PHKA2: variants seen among roughly 807,000 people sequenced by gnomAD.
PHKA2 encodes phosphorylase kinase regulatory subunit alpha 2, also known as phosphorylase b kinase regulatory subunit alpha, liver isoform.
A neutral mutation model predicts 102.0 loss-of-function variants in PHKA2; 31 were observed. The ratio of observed to expected loss-of-function variants is 0.30; its 90% confidence interval spans 0.23 to 0.41. The LOEUF (loss-of-function observed/expected upper bound fraction) is 0.41, where lower values mean the gene tolerates loss of function less well. Ranked by LOEUF, PHKA2 falls within the 10% of genes least tolerant of loss-of-function variation. The probability of loss-of-function intolerance (pLI) is 1.00; values close to 1 mark genes in which losing one functional copy is unlikely to be tolerated. For missense variants in PHKA2, 858 were observed against 1,023.1 expected (o/e 0.84, Z 2.20); for synonymous variants, 455 against 416.2 (o/e 1.09, Z -1.13).
intron 5 of PHKA2, among the ~76,000 whole-genome samples, chrX:18,945,361 G>A (rs1350638577): frequency 9.0e-6 from 1 of 110,970 alleles, no homozygotes; most frequent in East Asian, 2.8e-4. Context: ...TATTCAAGTG[G>A]GACAAAAGTG....
intron 2 of PHKA2, among the ~76,000 whole-genome samples, chrX:18,953,480 A>G (rs755957820): frequency 3.6e-5 from 4 of 112,503 alleles, no homozygotes; most frequent in African/African-American, 1.3e-4. Flanking sequence ...AGTTTCAAAA[A>G]TATTTTAAGC....
At chrX:18,921,892 G>A (rs1379835442) in intron 17 of PHKA2, among the ~76,000 whole-genome samples, 1 of 112,521 alleles carries the variant, frequency 8.9e-6, no homozygotes, top group South Asian at 3.6e-4. Flanking sequence ...TTGAATACAC[G>A]GCCAGTGCTC....
chrX:18,916,684 T>C (rs1014377939), intron 19 of PHKA2, among the ~76,000 whole-genome samples: 1 of 111,210 alleles, frequency 9.0e-6, no homozygotes, highest in Admixed American at 9.6e-5. Flanking sequence ...ACTGTCGCCA[T>C]GTGAAGTGTC....
At chrX:18,954,562 C>A in intron 1 of PHKA2, 150 bp from the exon 2 acceptor site, 1 of 506,210 alleles carries the variant, frequency 2.0e-6, no homozygotes, top group Non-Finnish European at 3.4e-6. Flanking sequence ...ACAGTGTGAT[C>A]TTGGGTGAGA....
intron 14 of PHKA2, among the ~76,000 whole-genome samples, 197 bp from the exon 15 acceptor site, chrX:18,925,974 G>C (rs1168068932): frequency 9.0e-6 from 1 of 111,614 alleles, no homozygotes; most frequent in African/African-American, 3.3e-5. Flanking sequence ...TTTCATGAAT[G>C]TATATGAACA....
chrX:18,952,329 CAAAA>C (rs1198542984), intron 3 of PHKA2, among the ~76,000 whole-genome samples, 161 bp downstream of exon 3: 2 of 35,336 alleles, frequency 5.7e-5, no homozygotes, highest in Non-Finnish European at 1.2e-4. Context: ...GACCCTGTCT[CAAAA>C]AAAAAAAAAA....
Position 18,969,757 on chromosome X carries a change from T to C in PHKA2, c.78+14098A>G, listed in dbSNP as rs1015854109. Among the ~76,000 whole-genome samples, 6 of 111,995 alleles carry C rather than the reference T, an allele frequency of 5.4e-5. No homozygotes were observed. The East Asian group carries it at 1.7e-3, about 31-fold the overall frequency. On this transcript the variant is annotated intron_variant, in intron 1 of 32. Coordinates refer to ENST00000379942, the MANE Select transcript of PHKA2 (RefSeq NM_000292.3). ...GATCTGGGGATCACCCTCTGTGAAC[T>C]GTCACACTACTCCAAAGCCGGAGTG...
At chrX:18,936,617 C>T (rs762305413) in intron 10 of PHKA2, among the ~76,000 whole-genome samples, 4 of 112,284 alleles carry the variant, frequency 3.6e-5, no homozygotes, top group East Asian at 2.8e-4. Context: ...GTACCCATTT[C>T]CACCTCTTGG....
At chrX:18,894,641 C>T (rs780913476) in intron 31 of PHKA2, 30 of 441,466 alleles carry the variant, frequency 6.8e-5, no homozygotes, top group South Asian at 2.6e-4. Context: ...TTCCCCCCAT[C>T]GACTACAGCT....
At chrX:18,977,523 G>A (rs1461579685) in intron 1 of PHKA2, among the ~76,000 whole-genome samples, 2 of 111,412 alleles carry the variant, frequency 1.8e-5, no homozygotes, top group Non-Finnish European at 3.8e-5. Context: ...TTATGGATTT[G>A]TCAACTTCTC....
chrX:18,955,896 T>C (rs1406789917), intron 1 of PHKA2, among the ~76,000 whole-genome samples: 1 of 112,532 alleles, frequency 8.9e-6, no homozygotes, highest in Admixed American at 9.4e-5. Flanking sequence ...ATTCTATATA[T>C]TGACATGGTT....
At chrX:18,977,969 C>A (rs2049113585) in intron 1 of PHKA2, among the ~76,000 whole-genome samples, 1 of 111,899 alleles carries the variant, frequency 8.9e-6, no homozygotes, top group African/African-American at 3.2e-5. Context: ...TGAGACCAGC[C>A]TGGCCAACAT....
chrX:18,921,965 G>A (rs1258376149), intron 17 of PHKA2, among the ~76,000 whole-genome samples: 1 of 112,557 alleles, frequency 8.9e-6, no homozygotes, highest in Non-Finnish European at 1.9e-5. Context: ...TTTATTTTGC[G>A]GCTGGGCACA....
At chrX:18,933,852 G>A (rs191819186) in intron 11 of PHKA2, among the ~76,000 whole-genome samples, 12 of 111,790 alleles carry the variant, frequency 1.1e-4, no homozygotes, top group South Asian at 7.4e-4. Context: ...GGTCAGTGTG[G>A]AGTTTAGAAG....
Position 18,907,019 on chromosome X carries a change from CAG to C in PHKA2, c.2594_2595del (p.Ser865CysfsTer76), listed in dbSNP as rs1411914289. The C allele has an allele frequency of 8.4e-7, 1 of 1,192,211 alleles. No individual in the cohort carries two copies. The highest frequency in any genetic ancestry group is 1.8e-5 in the African/African-American group (1 of 56,986). Reference protein sequence around the residue: ...LPPEPREKIISAPLPPEELTK... With the variant: ...LPPEPREKIIXAPLPPEELTK... ...AGGTCCCCAAGGCTGAGGACTTACG[CAG>C]AGATGATCTTCTCCCGGGGCTCGGG... On this transcript the variant is annotated frameshift_variant and splice_region_variant, in exon 23 of 33. Transcript: ENST00000379942. LOFTEE classifies it high-confidence loss of function.
Position 18,901,564 on chromosome X carries a change from G to T in PHKA2, c.2948C>A (p.Ser983Tyr). The T allele has an allele frequency of 1.7e-6, 2 of 1,204,915 alleles. No homozygotes were observed. The highest frequency in any genetic ancestry group is 2.2e-6 in the Non-Finnish European group (2 of 891,095). ...IHSSTSSPTI[S>Y]IHEVGHTGVT... ...TCCGGTATGGCCCACCTCGTGGATG[G>T]AGATGGTAGGGCTGGATGTGGAGGA... Residue 983 changes from serine to tyrosine, a missense_variant, in exon 27 of 33, where the codon TCC (serine) becomes TAC (tyrosine). By Grantham distance (144) the Ser-to-Tyr change is moderately radical. This residue lies in a region of PHKA2 where 671 missense variants were observed against 745.2 expected (regional missense o/e 0.90). Coordinates refer to ENST00000379942, the MANE Select transcript of PHKA2 (RefSeq NM_000292.3).
chrX:18,900,516 G>A (rs1018929820), intron 28 of PHKA2, among the ~76,000 whole-genome samples, 154 bp downstream of exon 28: 1 of 111,405 alleles, frequency 9.0e-6, no homozygotes, highest in African/African-American at 3.3e-5. Flanking sequence ...CGTCTCTCCT[G>A]CCCTCGAGTC....
intron 30 of PHKA2, chrX:18,895,474 T>G (rs1363617548): frequency 8.6e-6 from 3 of 349,053 alleles, no homozygotes; most frequent in Non-Finnish European, 1.5e-5. Flanking sequence ...CTCCGCATTG[T>G]ACTTGGCAAC....
chrX:18,938,593 A>G (rs1048853792), intron 10 of PHKA2, 34 bp downstream of exon 10: 53 of 1,171,022 alleles, frequency 4.5e-5, no homozygotes, highest in Non-Finnish European at 6.1e-5. Flanking sequence ...TGGAATGAAA[A>G]TAATTATCAA....
Sources: allele counts gnomAD v4.1 joint callset (sites outside exome capture counted in the v4.1 genomes callset), GRCh38; gene constraint gnomAD v4.1.1; regional missense constraint gnomAD v4.1.1; transcripts MANE v1.5; gene names NCBI Gene and HGNC (gene_info 2026-07-23, HGNC 2026-07-21).